KSR1: variants seen among roughly 807,000 people sequenced by gnomAD.
KSR1 encodes kinase suppressor of ras.
Under a neutral mutation model 92.9 loss-of-function variants are expected in KSR1, and 35 were observed. The observed-to-expected ratio is 0.38, with a 90% confidence interval of 0.29 to 0.50. The LOEUF is 0.50. Among genes scored for constraint, KSR1 ranks in the 20% least tolerant of loss-of-function variants. The pLI is 0.94. For synonymous variants in KSR1, 467 were observed against 472.6 expected (o/e 0.99, Z 0.15); for missense variants, 972 against 1,158.5 (o/e 0.84, Z 2.34).
intron 2 of KSR1, among the ~76,000 whole-genome samples, chr17:27,558,488 A>C (rs191768806): frequency 2.0e-5 from 3 of 152,150 alleles, no homozygotes; most frequent in Non-Finnish European, 4.4e-5. Flanking sequence ...ACATCAGGCA[A>C]CTTGGTGGTT....
At chr17:27,487,792 G>T (rs1037789106) in intron 1 of KSR1, among the ~76,000 whole-genome samples, 1 of 152,120 alleles carries the variant, frequency 6.6e-6, no homozygotes, top group Non-Finnish European at 1.5e-5. Context: ...GGGGGAGCAG[G>T]TGTGTCATGT....
intron 1 of KSR1, among the ~76,000 whole-genome samples, chr17:27,510,673 G>C (rs765224687): frequency 4.6e-5 from 7 of 152,224 alleles, no homozygotes; most frequent in African/African-American, 7.2e-5. Context: ...ACTGCCGTCC[G>C]TTCAGAGCAG....
chr17:27,604,307 A>G (rs1247526521), intron 12 of KSR1, among the ~76,000 whole-genome samples: 1 of 152,200 alleles, frequency 6.6e-6, no homozygotes, highest in East Asian at 1.9e-4. Flanking sequence ...AGGTTAAGAA[A>G]TTACATAAGG....
At chr17:27,528,714 G>A (rs868632140) in intron 1 of KSR1, among the ~76,000 whole-genome samples, 2 of 152,088 alleles carry the variant, frequency 1.3e-5, no homozygotes, top group South Asian at 4.1e-4. Flanking sequence ...GCCTGGGCAA[G>A]ATGGTGAGAC....
intron 1 of KSR1, among the ~76,000 whole-genome samples, chr17:27,534,688 A>G (rs1007198430): frequency 1.3e-5 from 2 of 152,186 alleles, no homozygotes; most frequent in African/African-American, 4.8e-5. Flanking sequence ...CGCTAATGAT[A>G]GTGCTAGTAA....
At chr17:27,521,868 T>A (rs1597938385) in intron 1 of KSR1, among the ~76,000 whole-genome samples, 1 of 152,242 alleles carries the variant, frequency 6.6e-6, no homozygotes, top group South Asian at 2.1e-4. Context: ...GGAATTATGA[T>A]GTTGATGATA....
At chr17:27,518,584 C>T (rs2069893815) in intron 1 of KSR1, among the ~76,000 whole-genome samples, 1 of 152,166 alleles carries the variant, frequency 6.6e-6, no homozygotes, top group Admixed American at 6.5e-5. Context: ...AGCTCAGAGC[C>T]TGACCTTGCC....
intron 1 of KSR1, among the ~76,000 whole-genome samples, chr17:27,532,737 G>A (rs1430977835): frequency 6.6e-6 from 1 of 152,166 alleles, no homozygotes; most frequent in East Asian, 1.9e-4. Flanking sequence ...CAGGCTTTCT[G>A]GAAGGTTCTG....
chr17:27,479,175 T>G (rs544269856), intron 1 of KSR1, among the ~76,000 whole-genome samples: 33 of 149,490 alleles, frequency 2.2e-4, no homozygotes, highest in Admixed American at 8.6e-4. Flanking sequence ...CCTCCATCCA[T>G]GCACTTCCCT....
chr17:27,553,020 C>T (rs1284933600), intron 2 of KSR1, among the ~76,000 whole-genome samples: 2 of 152,142 alleles, frequency 1.3e-5, no homozygotes, highest in African/African-American at 2.4e-5. Context: ...GGAGTAGAGC[C>T]GGGTGCCCCT....
At chr17:27,526,765 G>A (rs147949784) in intron 1 of KSR1, 40 of 1,171,960 alleles carry the variant, frequency 3.4e-5, no homozygotes, top group Admixed American at 1.6e-4. Flanking sequence ...TCTCATCATC[G>A]CACAGTTCTC....
chr17:27,607,183 G>A (rs1310138132), intron 14 of KSR1, among the ~76,000 whole-genome samples: 2 of 152,154 alleles, frequency 1.3e-5, no homozygotes, highest in African/African-American at 2.4e-5. Flanking sequence ...TTTAGAATAC[G>A]CTGAAGAAAA....
rs377092703 is a variant in KSR1, at chr17:27,597,386, C to T, written c.1418C>T (p.Thr473Met). The T allele has an allele frequency of 1.2e-4, 191 of 1,613,612 alleles. 1 individual carries two copies. Among genetic ancestry groups the T allele is most frequent in the African/African-American group, 7.5e-4 (56 of 75,042 alleles). The change falls in exon 10 of 21, where the codon ACG (threonine) becomes ATG (methionine). Residue 473 changes from threonine to methionine, a missense_variant. By Grantham distance (81) the Thr-to-Met change is moderately conservative (BLOSUM62 -1). This residue lies in a region of KSR1 where 611 missense variants were observed against 668.0 expected (regional missense o/e 0.91). Transcript: ENST00000644974. The part of the protein sequence containing the change: ...PTSSNPSSAT[T>M]PPNPSPGQRD... The stretch of plus-strand genomic sequence containing the variant: ...TCATCCAACCCATCCAGCGCCACCA[C>T]GCCCCCCAACCCCTCACCTGGCCAG...
chr17:27,549,601 A>T (rs1447932941), intron 1 of KSR1, among the ~76,000 whole-genome samples: 2 of 152,204 alleles, frequency 1.3e-5, no homozygotes, highest in East Asian at 3.9e-4. Flanking sequence ...AAAGCTTTGG[A>T]CAATAACTCT....
intron 1 of KSR1, chr17:27,527,086 T>C: frequency 2.4e-6 from 1 of 421,680 alleles, no homozygotes; most frequent in Non-Finnish European, 4.6e-6. Flanking sequence ...GGTACATTGA[T>C]TGCTTAAGGG....
At chr17:27,549,865 G>A (rs2071328743) in intron 1 of KSR1, among the ~76,000 whole-genome samples, 1 of 152,156 alleles carries the variant, frequency 6.6e-6, no homozygotes, top group Non-Finnish European at 1.5e-5. Flanking sequence ...TTTATAGGGG[G>A]TTAAGTAACT....
intron 1 of KSR1, among the ~76,000 whole-genome samples, chr17:27,475,375 T>G (rs2068309381): frequency 6.6e-6 from 1 of 152,198 alleles, no homozygotes; most frequent in Non-Finnish European, 1.5e-5. Flanking sequence ...ATTTTGAAAC[T>G]TATGTCTTAC....
chr17:27,464,568 A>G (rs541912288), intron 1 of KSR1, among the ~76,000 whole-genome samples: 14 of 152,146 alleles, frequency 9.2e-5, no homozygotes, highest in Non-Finnish European at 1.9e-4. Flanking sequence ...AAAAAATAAA[A>G]TATTAGCCAG....
intron 1 of KSR1, among the ~76,000 whole-genome samples, chr17:27,531,919 T>TAA (rs2070555385): frequency 6.6e-6 from 1 of 152,230 alleles, no homozygotes; most frequent in African/African-American, 2.4e-5. Flanking sequence ...GAACCAGCGT[T>TAA]ACCAGCTAGA....
Sources: gnomAD v4.1 joint callset for allele counts (sites outside exome capture counted in the v4.1 genomes callset) on GRCh38, gnomAD v4.1.1 for gene constraint, gnomAD v4.1.1 regional missense constraint, MANE v1.5 for transcripts, NCBI Gene and HGNC (gene_info 2026-07-23, HGNC 2026-07-21) for gene names.